Variants in PLCXD2 observed in about 807,000 individuals in gnomAD.
PLCXD2 encodes the protein phosphatidylinositol specific phospholipase C X domain containing 2.
In PLCXD2, 21 loss-of-function variants were observed where a neutral mutation model predicts 28.6. The ratio of observed to expected loss-of-function variants is 0.73; its 90% CI spans 0.52 to 1.06. PLCXD2 has a LOEUF of 1.06. Ranked by LOEUF, PLCXD2 falls within the 50% of genes least tolerant of loss-of-function variation. The pLI, the probability that PLCXD2 is intolerant of heterozygous loss-of-function variation, is 0.00. For missense variants in PLCXD2, 369 were observed against 376.7 expected (o/e 0.98, Z 0.17); for synonymous variants, 140 against 150.1 (o/e 0.93, Z 0.49).
chr3:111,702,768 T>G (rs964820731), intron 1 of PLCXD2, among the ~76,000 whole-genome samples: 3 of 152,086 alleles, frequency 2.0e-5, no homozygotes, highest in African/African-American at 7.2e-5. Flanking sequence ...ATGCTCGAAT[T>G]TTATTCATAC....
rs1056746210 is a variant in PLCXD2, at chr3:111,719,692, C to A, written c.866+5564C>A. Among the ~76,000 whole-genome samples, 13 of 152,128 alleles carry A rather than the reference C, an allele frequency of 8.5e-5. 1 individual carries two copies. The highest frequency in any genetic ancestry group is 7.2e-4 in the Admixed American group (11 of 15,278). On this transcript the variant is annotated intron_variant, in intron 3 of 4. Transcript: ENST00000477665. Reference sequence around the variant, plus strand: ...ATATGAAGTTTTAAAACAGGCAAATCTAATCTACAGTGGAAAAAAAAATCA... The same window carrying A: ...ATATGAAGTTTTAAAACAGGCAAATATAATCTACAGTGGAAAAAAAAATCA...
chr3:111,677,414 T>A (rs1940640486), intron 1 of PLCXD2: 1 of 152,198 alleles, frequency 6.6e-6, no homozygotes, highest in African/African-American at 2.4e-5. Flanking sequence ...AGTAGGCATT[T>A]GGGAAATGGG....
intron 2 of PLCXD2, among the ~76,000 whole-genome samples, chr3:111,709,308 TAGAC>T (rs1941167229): frequency 6.6e-6 from 1 of 152,088 alleles, no homozygotes; most frequent in East Asian, 1.9e-4. Flanking sequence ...GTAAATAAAA[TAGAC>T]AAAGATACCT....
intron 1 of PLCXD2, among the ~76,000 whole-genome samples, chr3:111,684,940 G>A (rs1940772054): frequency 6.6e-6 from 1 of 152,174 alleles, no homozygotes; most frequent in African/African-American, 2.4e-5. Flanking sequence ...AAAAGAGAAG[G>A]TGCAAGGGGC....
intron 3 of PLCXD2, chr3:111,725,541 A>G (rs1337650344): frequency 5.0e-6 from 2 of 397,844 alleles, no homozygotes; most frequent in East Asian, 3.6e-5. Flanking sequence ...AAGGACTCCA[A>G]TAGCACTATA....
At chr3:111,680,690 T>C (rs988638154) in intron 1 of PLCXD2, among the ~76,000 whole-genome samples, 3 of 152,204 alleles carry the variant, frequency 2.0e-5, no homozygotes, top group Non-Finnish European at 4.4e-5. Context: ...CACACATGTC[T>C]ATAAACAGAA....
chr3:111,724,472 C>T (rs963025355), intron 3 of PLCXD2: 2 of 152,100 alleles, frequency 1.3e-5, no homozygotes, highest in Non-Finnish European at 2.9e-5. Flanking sequence ...AATAAGACAA[C>T]GTAGTAGAGT....
chr3:111,718,325 C>A lies in PLCXD2; in HGVS notation c.866+4197C>A, dbSNP rs181276330. ...TGAAAATACAAAGAAATTAGCTGGGCGTGGTGGCGGGCGCCTGTAGTCCCA... is the reference window on the plus strand; with the variant it reads ...TGAAAATACAAAGAAATTAGCTGGGAGTGGTGGCGGGCGCCTGTAGTCCCA... On this transcript the variant is annotated intron_variant, in intron 3 of 4. Coordinates refer to ENST00000477665, the MANE Select transcript of PLCXD2 (RefSeq NM_001185106.1). Among the ~76,000 whole-genome samples the A allele has an allele frequency of 4.4e-3, 676 of 152,066 alleles. 6 individuals carry two copies. Among genetic ancestry groups the A allele is most frequent in the African/African-American group, 0.015 (618 of 41,472 alleles).
At chr3:111,705,586 A>G (rs1045126352) in intron 1 of PLCXD2, among the ~76,000 whole-genome samples, 2 of 152,096 alleles carry the variant, frequency 1.3e-5, no homozygotes, top group African/African-American at 2.4e-5. Flanking sequence ...CACCCCCCAT[A>G]CTGTCTTCCA....
At chr3:111,720,222 T>A (rs1178792443) in intron 3 of PLCXD2, among the ~76,000 whole-genome samples, 4 of 152,216 alleles carry the variant, frequency 2.6e-5, no homozygotes, top group Admixed American at 6.5e-5. Flanking sequence ...TTTTTCTTTT[T>A]TTTCAGACAG....
intron 1 of PLCXD2, among the ~76,000 whole-genome samples, chr3:111,703,206 G>A (rs1941071240): frequency 6.6e-6 from 1 of 152,210 alleles, no homozygotes; most frequent in Admixed American, 6.5e-5. Flanking sequence ...CCTGTAAAGG[G>A]GGTTGGAGGG....
At chr3:111,678,360 C>T (rs1267542332) in intron 1 of PLCXD2, among the ~76,000 whole-genome samples, 8 of 152,190 alleles carry the variant, frequency 5.3e-5, no homozygotes, top group Admixed American at 5.2e-4. Flanking sequence ...AGGATCCAGA[C>T]ATCATAAAAG....
intron 3 of PLCXD2, among the ~76,000 whole-genome samples, chr3:111,715,648 A>T (rs1941257692): frequency 6.6e-6 from 1 of 152,222 alleles, no homozygotes; most frequent in African/African-American, 2.4e-5. Flanking sequence ...AGCCTCTAGG[A>T]TGGCACATTG....
Position 111,723,748 on chromosome 3 carries a change from G to A in PLCXD2, c.867-8871G>A, listed in dbSNP as rs568074163. ...GGAGAACTCAGGCATGTGGGACAGA[G>A]GGAAAACAGATTTTAGGTTCATGAC... is the stretch of plus-strand genomic sequence containing the variant. On this transcript the variant is annotated intron_variant, in intron 3 of 4. Transcript: ENST00000477665. 15 of 152,286 alleles carry A rather than the reference G, an allele frequency of 9.8e-5. No individual in the cohort carries two copies. In the South Asian group the frequency reaches 3.1e-3, roughly 32 times the overall value. The allele number at this position is 152,286 out of a possible 1,614,324, so 9.4% of individuals were successfully genotyped here.
chr3:111,710,514 C>T (rs10934103), intron 2 of PLCXD2, among the ~76,000 whole-genome samples: 7,382 of 152,152 alleles, frequency 0.049, 262 homozygotes, highest in Middle Eastern at 0.075. Flanking sequence ...AGCAACTCAC[C>T]CGAGAGAAAC....
At chr3:111,692,052 A>AT (rs1264691588) in intron 1 of PLCXD2, among the ~76,000 whole-genome samples, 3 of 152,038 alleles carry the variant, frequency 2.0e-5, no homozygotes, top group Non-Finnish European at 2.9e-5. Flanking sequence ...TTCCTTTTTT[A>AT]TTTTTTTGAG....
At chr3:111,717,021 G>T (rs1941275999) in intron 3 of PLCXD2, among the ~76,000 whole-genome samples, 1 of 152,118 alleles carries the variant, frequency 6.6e-6, no homozygotes, top group African/African-American at 2.4e-5. Flanking sequence ...TTTGATCTTG[G>T]ATGTCCAACT....
At chr3:111,709,109 GA>G (rs1941164049) in intron 2 of PLCXD2, among the ~76,000 whole-genome samples, 1 of 140,428 alleles carries the variant, frequency 7.1e-6, no homozygotes, top group South Asian at 2.3e-4. Flanking sequence ...AAAAAAAAAA[GA>G]CATACCTTTC....
At position 111,710,835 on chromosome 3, in the gene PLCXD2, T is replaced by G. The variant is rs76779444; in HGVS notation, c.624+2449T>G. 8.9e-3 allele frequency among the ~76,000 whole-genome samples: 1,353 copies of G among 152,310 alleles called. 20 individuals carry two copies. Among genetic ancestry groups the G allele is most frequent in the African/African-American group, 0.03 (1,261 of 41,552 alleles). On this transcript the variant is annotated intron_variant, in intron 2 of 4. Transcript: ENST00000477665. ...GCCAGGATTGAGATGGGTTGACATA[T>G]TGCATACTAAACTGCTTACAAATCT...
Sources: allele counts gnomAD v4.1 joint callset (sites outside exome capture counted in the v4.1 genomes callset), GRCh38; gene constraint gnomAD v4.1.1; transcripts MANE v1.5; gene names NCBI Gene and HGNC (gene_info 2026-07-23, HGNC 2026-07-21).